Variants in UNC50 observed in about 807,000 individuals in gnomAD.
UNC50 encodes protein unc-50 homolog.
A neutral mutation model predicts 31.5 loss-of-function variants in UNC50; 24 were observed. The observed-to-expected ratio is 0.76, with a 90% CI of 0.55 to 1.07. The LOEUF (loss-of-function observed/expected upper bound fraction) is 1.07, where lower values mean the gene tolerates loss of function less well. Among genes scored for constraint, UNC50 ranks in the 50% least tolerant of loss-of-function variants. The pLI is 0.00. For synonymous variants in UNC50, 118 were observed against 114.7 expected (o/e 1.03, Z -0.18); for missense variants, 245 against 304.2 (o/e 0.81, Z 1.45).
At chr2:98,617,012 T>C (rs1050184717) in intron 5 of UNC50, among the ~76,000 whole-genome samples, 24 of 152,208 alleles carry the variant, frequency 1.6e-4, no homozygotes, top group African/African-American at 5.8e-4. Context: ...TTCTTAGTTT[T>C]CATGATTACC....
rs1397865342 is a variant in UNC50, at chr2:98,613,786, C to T, written c.402-2421C>T. The stretch of plus-strand genomic sequence containing the variant: ...AGTTTGAATTAAATAGAAAGGGATT[C>T]AGTGTATTTTTGAGAACCTATGTTG... On this transcript the variant is annotated intron_variant, in intron 3 of 5. Coordinates refer to ENST00000357765, the MANE Select transcript of UNC50 (RefSeq NM_014044.7). 2.0e-5 allele frequency among the ~76,000 whole-genome samples: 3 copies of T among 152,144 alleles called. No individual in the cohort carries two copies. The East Asian group carries it at 5.8e-4, about 29-fold the overall frequency.
Position 98,608,678 on chromosome 2 carries a change from AGGT to A in UNC50, c.-47_-45del. The A allele has an allele frequency of 3.9e-6, 2 of 517,964 alleles. No homozygotes were observed. Among genetic ancestry groups the A allele is most frequent in the Non-Finnish European group, 3.5e-6 (1 of 287,128 alleles). 32.1% of individuals were successfully genotyped at this position (517,964 alleles called of 1,614,324 possible). A position where few individuals can be genotyped will look rare whatever the true frequency, so the allele number is the denominator to read the frequency against. On this transcript the variant is annotated 5_prime_UTR_variant, in exon 1 of 6. Coordinates refer to ENST00000357765, the MANE Select transcript of UNC50 (RefSeq NM_014044.7). Reference sequence around the variant, plus strand: ...GCGGCTGGGGTCGGCTGCTGGGAGGAGGTGGTGGGCTGGTTCGGACGTGGGTCG... The same window carrying A: ...GCGGCTGGGGTCGGCTGCTGGGAGGAGGTGGGCTGGTTCGGACGTGGGTCG...
chr2:98,614,246 G>A (rs1417000908), intron 3 of UNC50, among the ~76,000 whole-genome samples: 1 of 152,192 alleles, frequency 6.6e-6, no homozygotes, highest in Non-Finnish European at 1.5e-5. Flanking sequence ...AGTAGAGGAG[G>A]CCCAGATAGT....
intron 5 of UNC50, 131 bp from the exon 6 acceptor site, chr2:98,618,037 C>T: frequency 2.0e-6 from 2 of 980,956 alleles, no homozygotes; most frequent in African/African-American, 1.7e-5. Flanking sequence ...TAAATAGCAT[C>T]ATCTTACTGA....
intron 3 of UNC50, among the ~76,000 whole-genome samples, 196 bp downstream of exon 3, chr2:98,611,091 A>G (rs1457980069): frequency 1.3e-5 from 2 of 152,252 alleles, no homozygotes; most frequent in Non-Finnish European, 2.9e-5. Flanking sequence ...GCTGGTTTAT[A>G]ATATTGTCAA....
chr2:98,616,583 A>C, intron 5 of UNC50, 50 bp downstream of exon 5: 1 of 1,482,908 alleles, frequency 6.7e-7, no homozygotes, highest in Non-Finnish European at 9.4e-7. Flanking sequence ...CAAGAGGGGG[A>C]AAGTTGTAAC....
chr2:98,616,654 G>A (rs1700927220), intron 5 of UNC50, 121 bp downstream of exon 5: 2 of 713,572 alleles, frequency 2.8e-6, no homozygotes, highest in South Asian at 1.8e-5. Flanking sequence ...TATTTTATGT[G>A]CATTATCTCA....
In UNC50 at chr2:98,618,348, T is replaced by C. The variant is rs1372564863; in HGVS notation, c.*44T>C. 2 of 1,507,882 alleles carry C rather than the reference T, an allele frequency of 1.3e-6. No individual in the cohort carries two copies. The highest frequency in any genetic ancestry group is 1.8e-6 in the Non-Finnish European group (2 of 1,124,818). The allele number at this position is 1,507,882 out of a possible 1,614,324, so 93.4% of individuals were successfully genotyped here. A position where few individuals can be genotyped will look rare whatever the true frequency, so the allele number is the denominator to read the frequency against. ...AATCGTAACTGTGTCAACAGTATTGTGAAGTGATCATTTCTTGTAAAACTT... is the reference window on the plus strand; with the variant it reads ...AATCGTAACTGTGTCAACAGTATTGCGAAGTGATCATTTCTTGTAAAACTT... On this transcript the variant is annotated 3_prime_UTR_variant, in exon 6 of 6. Transcript: ENST00000357765.
intron 2 of UNC50, among the ~76,000 whole-genome samples, chr2:98,610,485 A>G (rs965506061): frequency 3.9e-5 from 6 of 152,236 alleles, no homozygotes; most frequent in African/African-American, 1.4e-4. Flanking sequence ...TGAAGTTTAT[A>G]GGGTGTTTTG....
At chr2:98,618,138 TAAATCAG>T in intron 5 of UNC50, 23 bp from the exon 6 acceptor site, 1 of 1,465,988 alleles carries the variant, frequency 6.8e-7, no homozygotes, top group South Asian at 1.4e-5. Context: ...TTTTTTTTTT[TAAATCAG>T]TTTGGATTCC....
chr2:98,614,303 T>C (rs1052366701), intron 3 of UNC50, among the ~76,000 whole-genome samples: 4 of 152,096 alleles, frequency 2.6e-5, no homozygotes, highest in South Asian at 2.1e-4. Context: ...GAGAGCTTCC[T>C]GAGATAACAA....
Position 98,618,152 on chromosome 2 carries a change from T to G in UNC50, c.644-16T>G. On this transcript the variant is annotated splice_polypyrimidine_tract_variant and intron_variant, in intron 5 of 5. Coordinates refer to ENST00000357765, the MANE Select transcript of UNC50 (RefSeq NM_014044.7). ...TTTTTTTTTTTTAAATCAGTTTGGATTCCTTTCTTTTCCAGCATTGCCATT... is the reference window on the plus strand; with the variant it reads ...TTTTTTTTTTTTAAATCAGTTTGGAGTCCTTTCTTTTCCAGCATTGCCATT... The G allele has an allele frequency of 6.6e-7, 1 of 1,522,984 alleles. No homozygotes were observed. Among genetic ancestry groups the G allele is most frequent in the Non-Finnish European group, 8.8e-7 (1 of 1,136,570 alleles). 94.3% of individuals were successfully genotyped at this position (1,522,984 alleles called of 1,614,324 possible).
rs1575233842 is a variant in UNC50 at position 98,618,432 on chromosome 2, A to AAAT, written c.*130_*132dup. On this transcript the variant is annotated 3_prime_UTR_variant, in exon 6 of 6. Transcript: ENST00000357765. ...AGGTGTAAAGTTTGCAAATTTGAAG[A>AAAT]AATATATATTAACACTGTGGTCAGG... 5.5e-6 allele frequency: 5 copies of AAAT among 906,128 alleles called. No individual in the cohort carries two copies. The East Asian group carries it at 1.5e-4, about 27-fold the overall frequency. The allele number at this position is 906,128 out of a possible 1,614,324, so 56.1% of individuals were successfully genotyped here.
At position 98,608,664 on chromosome 2, in the gene UNC50, C is replaced by A; in HGVS notation, c.-67C>A. ...AAGCCCGCCCGGTGGCGGCTGGGGTCGGCTGCTGGGAGGAGGTGGTGGGCT... is the reference window on the plus strand; with the variant it reads ...AAGCCCGCCCGGTGGCGGCTGGGGTAGGCTGCTGGGAGGAGGTGGTGGGCT... On this transcript the variant is annotated 5_prime_UTR_variant, in exon 1 of 6. Coordinates refer to ENST00000357765, the MANE Select transcript of UNC50 (RefSeq NM_014044.7). 1.9e-6 allele frequency: 1 copy of A among 539,198 alleles called. No individual in the cohort carries two copies. 33.4% of individuals were successfully genotyped at this position (539,198 alleles called of 1,614,324 possible). A position where few individuals can be genotyped will look rare whatever the true frequency, so the allele number is the denominator to read the frequency against.
chr2:98,609,381 G>T, intron 1 of UNC50: 1 of 308,306 alleles, frequency 3.2e-6, no homozygotes. Context: ...GCTTTCTTAG[G>T]CATTTTCTTA....
intron 1 of UNC50, chr2:98,609,491 C>G (rs1700781580): frequency 1.8e-6 from 1 of 546,792 alleles, no homozygotes; most frequent in Non-Finnish European, 3.3e-6. Flanking sequence ...ATCCCTGTCT[C>G]TGTAATGGTA....
intron 5 of UNC50, among the ~76,000 whole-genome samples, chr2:98,617,799 T>TTTAAG (rs570493999): frequency 4.5e-4 from 68 of 152,308 alleles, no homozygotes; most frequent in African/African-American, 1.5e-3. Context: ...ATCTCTGTAC[T>TTTAAG]TTAAGTTGGA....
intron 3 of UNC50, among the ~76,000 whole-genome samples, chr2:98,612,532 TCTGAGTAG>T (rs1412982047): frequency 2.0e-5 from 3 of 151,940 alleles, no homozygotes; most frequent in Non-Finnish European, 4.4e-5. Flanking sequence ...GCCTCAGCCT[TCTGAGTAG>T]CTGGGATTAC....
At position 98,618,286 on chromosome 2, in the gene UNC50, T is replaced by TAA. The variant is rs1553534137; in HGVS notation, c.763_764dup (p.Tyr256SerfsTer4). ...TCACCCATACTCTCTGTTCTTTCTA[T>TAA]AAGTACAGAGTGAAATAAAAAGTGA... On this transcript the variant is annotated frameshift_variant, in exon 6 of 6. Coordinates refer to ENST00000357765, the MANE Select transcript of UNC50 (RefSeq NM_014044.7). LOFTEE classifies it high-confidence loss of function. The TAA allele has an allele frequency of 1.5e-5, 24 of 1,605,718 alleles. No individual in the cohort carries two copies. The highest frequency in any genetic ancestry group is 5.2e-5 in the Admixed American group (3 of 57,464).
Sources: allele counts gnomAD v4.1 joint callset (sites outside exome capture counted in the v4.1 genomes callset), GRCh38; gene constraint gnomAD v4.1.1; transcripts MANE v1.5; gene names NCBI Gene and HGNC (gene_info 2026-07-23, HGNC 2026-07-21).